Variants in EPB41L4B observed in about 807,000 individuals in gnomAD.
EPB41L4B encodes the protein erythrocyte membrane protein band 4.1 like 4B.
Under a neutral mutation model 112.5 loss-of-function variants are expected in EPB41L4B, and 30 were observed. The ratio of observed to expected loss-of-function variants is 0.27; its 90% CI spans 0.20 to 0.36. The LOEUF (loss-of-function observed/expected upper bound fraction) is 0.36. EPB41L4B is among the 10% of genes least tolerant of loss of function. The pLI, the probability that EPB41L4B is intolerant of heterozygous loss-of-function variation, is 1.00. For synonymous variants in EPB41L4B, 408 were observed against 439.7 expected (o/e 0.93, Z 0.90); for missense variants, 1,024 against 1,133.3 (o/e 0.90, Z 1.38).
At chr9:109,239,509 G>A (rs1480672506) in intron 15 of EPB41L4B, among the ~76,000 whole-genome samples, 2 of 152,140 alleles carry the variant, frequency 1.3e-5, no homozygotes, top group African/African-American at 4.8e-5. Flanking sequence ...GTAGACTGTG[G>A]TGAAAAGAGC....
chr9:109,234,909 C>T (rs888359151), intron 15 of EPB41L4B, among the ~76,000 whole-genome samples: 3 of 152,178 alleles, frequency 2.0e-5, no homozygotes, highest in African/African-American at 4.8e-5. Context: ...CACAGTGGTT[C>T]CCTTTTGTTA....
At chr9:109,297,163 A>G (rs2119202372) in intron 1 of EPB41L4B, among the ~76,000 whole-genome samples, 1 of 135,520 alleles carries the variant, frequency 7.4e-6, no homozygotes, top group East Asian at 2.6e-4. Context: ...CAGGGGAAAG[A>G]CCACATGAAG....
At chr9:109,283,348 A>C (rs993789062) in intron 1 of EPB41L4B, among the ~76,000 whole-genome samples, 4 of 152,240 alleles carry the variant, frequency 2.6e-5, no homozygotes, top group Non-Finnish European at 5.9e-5. Flanking sequence ...CAGTAACACA[A>C]AGTAAAAACA....
intron 6 of EPB41L4B, 53 bp downstream of exon 6, chr9:109,262,997 G>T: frequency 7.8e-7 from 1 of 1,279,538 alleles, no homozygotes; most frequent in Non-Finnish European, 1.1e-6. Context: ...CTCATTTGTT[G>T]AAATAAAAAG....
intron 2 of EPB41L4B, among the ~76,000 whole-genome samples, chr9:109,271,303 G>A (rs1436875069): frequency 6.6e-6 from 1 of 152,256 alleles, no homozygotes. Flanking sequence ...AGATGCCTAT[G>A]AAAAGTCTGG....
At chr9:109,311,971 G>A (rs1434881728) in intron 1 of EPB41L4B, among the ~76,000 whole-genome samples, 5 of 152,288 alleles carry the variant, frequency 3.3e-5, no homozygotes, top group South Asian at 4.2e-4. Flanking sequence ...TGCCTGACGC[G>A]TAAGTGATCA....
At chr9:109,181,877 T>C (rs998087129) in intron 24 of EPB41L4B, among the ~76,000 whole-genome samples, 1 of 151,834 alleles carries the variant, frequency 6.6e-6, no homozygotes, top group Non-Finnish European at 1.5e-5. Flanking sequence ...GATAAACAAA[T>C]TGCAGTATAT....
intron 11 of EPB41L4B, among the ~76,000 whole-genome samples, chr9:109,254,737 C>T (rs1386854780): frequency 2.0e-5 from 3 of 152,172 alleles, no homozygotes; most frequent in Non-Finnish European, 4.4e-5. Context: ...AGTTTTCACA[C>T]ACTTTGAGAA....
chr9:109,185,662 G>A, intron 22 of EPB41L4B, 57 bp from the exon 23 acceptor site: 1 of 1,358,396 alleles, frequency 7.4e-7, no homozygotes, highest in Non-Finnish European at 1.0e-6. Context: ...AGGGGAGGAG[G>A]AAGAGGAGGT....
chr9:109,185,158 T>C (rs1316687682), intron 23 of EPB41L4B, among the ~76,000 whole-genome samples: 1 of 152,240 alleles, frequency 6.6e-6, no homozygotes, highest in Non-Finnish European at 1.5e-5. Flanking sequence ...TTATTTTCAA[T>C]AGAAATGCAA....
In EPB41L4B at chr9:109,252,549, G is replaced by C. The variant is rs1306242730; in HGVS notation, c.1279+892C>G. 2.6e-5 allele frequency among the ~76,000 whole-genome samples: 4 copies of C among 152,154 alleles called. No homozygotes were observed. The East Asian group carries it at 7.7e-4, about 29-fold the overall frequency. ...GCTGTTGCACCATCGGTTCATAAAG[G>C]AAAGAATGGTGGGGAACACAAAGTT... On this transcript the variant is annotated intron_variant, in intron 12 of 25. Coordinates refer to ENST00000374566, the MANE Select transcript of EPB41L4B (RefSeq NM_019114.5).
At chr9:109,246,332 T>C (rs1018866407) in intron 14 of EPB41L4B, among the ~76,000 whole-genome samples, 21 of 152,156 alleles carry the variant, frequency 1.4e-4, no homozygotes, top group Admixed American at 2.0e-4. Flanking sequence ...AACCCAGGAT[T>C]ATTTAAAAAT....
intron 4 of EPB41L4B, among the ~76,000 whole-genome samples, chr9:109,265,992 C>T (rs373695279): frequency 6.6e-6 from 1 of 152,202 alleles, no homozygotes; most frequent in South Asian, 2.1e-4. Context: ...GGAGATCGGG[C>T]GTGCTGAAGG....
chr9:109,222,321 C>T (rs1174121161), intron 15 of EPB41L4B, among the ~76,000 whole-genome samples: 3 of 152,144 alleles, frequency 2.0e-5, no homozygotes, highest in African/African-American at 4.8e-5. Flanking sequence ...CCTAAGCAAG[C>T]AGTAGAATGA....
intron 1 of EPB41L4B, among the ~76,000 whole-genome samples, chr9:109,314,036 C>A (rs1294904594): frequency 2.6e-5 from 4 of 152,166 alleles, no homozygotes; most frequent in African/African-American, 9.7e-5. Flanking sequence ...AGCACACACA[C>A]GAACCTGGAA....
intron 12 of EPB41L4B, among the ~76,000 whole-genome samples, chr9:109,252,275 G>C (rs1834817480): frequency 6.6e-6 from 1 of 152,172 alleles, no homozygotes; most frequent in South Asian, 2.1e-4. Flanking sequence ...TCCTTACACT[G>C]AGCTATTTCT....
intron 2 of EPB41L4B, among the ~76,000 whole-genome samples, chr9:109,273,428 G>A (rs543891881): frequency 6.6e-6 from 1 of 152,210 alleles, no homozygotes; most frequent in South Asian, 2.1e-4. Flanking sequence ...TATATTTTTA[G>A]TAGAAACAGG....
chr9:109,226,767 TGAATATATATATGAAGAATATATATGAA>T (rs1833794218), intron 15 of EPB41L4B, among the ~76,000 whole-genome samples: 1 of 131,262 alleles, frequency 7.6e-6, no homozygotes, highest in Non-Finnish European at 1.6e-5. Context: ...TATATATATA[TGAATATATATATGAAGAATATATATGAA>T]GAATATATAT....
intron 1 of EPB41L4B, 60 bp downstream of exon 1, chr9:109,320,080 GA>G: frequency 7.6e-7 from 1 of 1,311,450 alleles, no homozygotes; most frequent in Non-Finnish European, 9.8e-7. Flanking sequence ...AGCACTGGGG[GA>G]GGGGGAGCTG....
Sources: gnomAD v4.1 joint callset for allele counts (sites outside exome capture counted in the v4.1 genomes callset) on GRCh38, gnomAD v4.1.1 for gene constraint, MANE v1.5 for transcripts, NCBI Gene and HGNC (gene_info 2026-07-23, HGNC 2026-07-21) for gene names.